Variants in EYS observed in about 807,000 individuals in gnomAD.
EYS encodes the protein EGF-like photoreceptor maintenance factor.
A neutral mutation model predicts 282.1 loss-of-function variants in EYS; 250 were observed. That is an observed-to-expected ratio of 0.89 (90% confidence interval 0.80 to 0.98). The LOEUF is 0.98. EYS is among the 50% of genes least tolerant of loss of function. The pLI, the probability that EYS is intolerant of heterozygous loss-of-function variation, is 0.00. For synonymous variants in EYS, 1,355 were observed against 1,282.9 expected (o/e 1.06, Z -1.20); for missense variants, 4,016 against 3,709.0 (o/e 1.08, Z -2.15).
rs1205400860 is a variant in EYS, at chr6:63,851,199, A to T, written c.7228+12987T>A. On this transcript the variant is annotated intron_variant, in intron 36 of 42. Transcript: ENST00000503581. ...CAAGTTCTTAGAGACCTACAAAGAG[A>T]CTTAGATTCGCACACAATAATAGTG... Among the ~76,000 whole-genome samples the T allele has an allele frequency of 3.3e-5, 5 of 152,308 alleles. No individual in the cohort carries two copies. The East Asian group carries it at 9.6e-4, about 29-fold the overall frequency.
chr6:64,563,915 T>C (rs1350196864), intron 26 of EYS, among the ~76,000 whole-genome samples: 1 of 151,948 alleles, frequency 6.6e-6, no homozygotes, highest in Non-Finnish European at 1.5e-5. Flanking sequence ...AAATTTATAA[T>C]TTTCTATTTA....
chr6:63,800,177 C>T (rs1194258053), intron 37 of EYS, among the ~76,000 whole-genome samples: 1 of 152,166 alleles, frequency 6.6e-6, no homozygotes, highest in Admixed American at 6.5e-5. Context: ...TTACGTATAT[C>T]TTTGCATTCA....
At chr6:65,285,176 G>A (rs865963497) in intron 12 of EYS, among the ~76,000 whole-genome samples, 1 of 151,964 alleles carries the variant, frequency 6.6e-6, no homozygotes, top group Non-Finnish European at 1.5e-5. Context: ...ACCCTTTGAG[G>A]ATTGTGTTTA....
At chr6:64,786,575 A>G (rs1032574703) in intron 22 of EYS, among the ~76,000 whole-genome samples, 1 of 152,006 alleles carries the variant, frequency 6.6e-6, no homozygotes, top group Non-Finnish European at 1.5e-5. Flanking sequence ...CTTTTTTATC[A>G]TGTCATTCAT....
At chr6:64,981,168 G>A (rs984477412) in intron 14 of EYS, among the ~76,000 whole-genome samples, 1 of 151,254 alleles carries the variant, frequency 6.6e-6, no homozygotes, top group Admixed American at 6.6e-5. Flanking sequence ...GGGTTTTATA[G>A]ATTCAAAGAT....
intron 8 of EYS, among the ~76,000 whole-genome samples, chr6:65,382,792 T>C (rs2150350705): frequency 6.6e-6 from 1 of 152,100 alleles, no homozygotes; most frequent in East Asian, 1.9e-4. Context: ...CTGCCTGCTT[T>C]ATATTTTGGC....
chr6:64,318,549 A>G (rs1770070629), intron 29 of EYS, among the ~76,000 whole-genome samples: 1 of 152,054 alleles, frequency 6.6e-6, no homozygotes, highest in Admixed American at 6.6e-5. Context: ...CTATGAAAAT[A>G]CATGAAAGTA....
chr6:65,520,215 A>G (rs1034686592), intron 2 of EYS, among the ~76,000 whole-genome samples: 1 of 152,166 alleles, frequency 6.6e-6, no homozygotes, highest in African/African-American at 2.4e-5. Flanking sequence ...ATATGGGGCC[A>G]ATACTTCTGA....
intron 26 of EYS, among the ~76,000 whole-genome samples, chr6:64,448,919 A>G (rs1015411158): frequency 2.6e-5 from 4 of 152,182 alleles, no homozygotes; most frequent in Admixed American, 1.3e-4. Context: ...AACAGAGCAG[A>G]AAAATGGGAA....
intron 15 of EYS, among the ~76,000 whole-genome samples, chr6:64,942,720 T>C (rs1463991979): frequency 7.2e-6 from 1 of 139,410 alleles, no homozygotes; most frequent in African/African-American, 2.8e-5. Flanking sequence ...TCAGTAATTT[T>C]AAAAAAACAA....
chr6:63,851,040 A>G (rs1772234167), intron 36 of EYS, among the ~76,000 whole-genome samples: 1 of 152,218 alleles, frequency 6.6e-6, no homozygotes, highest in African/African-American at 2.4e-5. Flanking sequence ...CTCTGATAAA[A>G]CAGACTTTAA....
At chr6:65,405,428 A>G (rs539735787) in intron 5 of EYS, 61 bp from the exon 6 acceptor site, 3 of 1,311,172 alleles carry the variant, frequency 2.3e-6, no homozygotes, top group South Asian at 2.5e-5. Flanking sequence ...AGAAATGAGC[A>G]TAGATATGTA....
chr6:64,644,946 T>C (rs1272801088), intron 22 of EYS, among the ~76,000 whole-genome samples: 2 of 152,222 alleles, frequency 1.3e-5, no homozygotes, highest in African/African-American at 2.4e-5. Flanking sequence ...TGAACTCTTT[T>C]ATTAGTAGTT....
chr6:64,091,570 T>C (rs1250693558), intron 31 of EYS, among the ~76,000 whole-genome samples: 1 of 152,190 alleles, frequency 6.6e-6, no homozygotes, highest in African/African-American at 2.4e-5. Flanking sequence ...ATTAAGCTGC[T>C]GCGTGCTATG....
At chr6:64,845,490 A>G (rs916907696) in intron 19 of EYS, among the ~76,000 whole-genome samples, 19 of 150,444 alleles carry the variant, frequency 1.3e-4, no homozygotes, top group African/African-American at 4.6e-4. Flanking sequence ...TTGAAATATA[A>G]TTGATTTTAT....
At chr6:64,068,725 G>T (rs992364368) in intron 32 of EYS, among the ~76,000 whole-genome samples, 4 of 151,854 alleles carry the variant, frequency 2.6e-5, no homozygotes, top group African/African-American at 9.7e-5. Flanking sequence ...ATTACCTTCT[G>T]TAAGCTTTAC....
intron 21 of EYS, among the ~76,000 whole-genome samples, chr6:64,817,857 AC>A (rs1195583172): frequency 5.9e-5 from 9 of 152,244 alleles, no homozygotes; most frequent in African/African-American, 1.9e-4. Context: ...ACTGATGGTC[AC>A]CTGTGTTGAT....
At chr6:65,273,929 A>G (rs747965307) in intron 12 of EYS, among the ~76,000 whole-genome samples, 3 of 152,118 alleles carry the variant, frequency 2.0e-5, no homozygotes, top group Non-Finnish European at 4.4e-5. Flanking sequence ...CAGACCTTTT[A>G]AGGACTACTG....
intron 5 of EYS, among the ~76,000 whole-genome samples, chr6:65,448,909 C>T (rs2150400186): frequency 6.6e-6 from 1 of 152,160 alleles, no homozygotes; most frequent in Admixed American, 6.6e-5. Flanking sequence ...TGATTCTTTT[C>T]AACATGATTA....
Sources: gnomAD v4.1 joint callset for allele counts (sites outside exome capture counted in the v4.1 genomes callset) on GRCh38, gnomAD v4.1.1 for gene constraint, MANE v1.5 for transcripts, NCBI Gene and HGNC (gene_info 2026-07-23, HGNC 2026-07-21) for gene names.